The following PPP1R16A variants were observed in gnomAD, a reference collection of about 807,000 sequenced individuals.
PPP1R16A encodes myosin phosphatase-targeting subunit 3.
A neutral mutation model predicts 46.6 loss-of-function variants in PPP1R16A; 39 were observed. That is an observed-to-expected ratio of 0.84 (90% confidence interval 0.65 to 1.09). PPP1R16A has a LOEUF of 1.09. Among genes scored for constraint, PPP1R16A ranks in the 50% least tolerant of loss-of-function variants. The pLI is 0.00. For missense variants in PPP1R16A, 798 were observed against 735.6 expected (o/e 1.08, Z -0.98); for synonymous variants, 413 against 321.5 (o/e 1.28, Z -3.04).
Position 144,496,860 on chromosome 8 carries a change from C to G in PPP1R16A, c.-335C>G. On this transcript the variant is annotated 5_prime_UTR_variant, in exon 3 of 12. Coordinates refer to ENST00000435887, the MANE Select transcript of PPP1R16A (RefSeq NM_001329443.2). ...ATTAGTTTCAGACCCTGCACTGAGG[C>G]CGGCCAGGTCTCGGGGCTGCCTCCC... is the stretch of plus-strand genomic sequence containing the variant. 1 of 449,486 alleles carries G rather than the reference C, an allele frequency of 2.2e-6. No homozygotes were observed. The highest frequency in any genetic ancestry group is 4.1e-6 in the Non-Finnish European group (1 of 242,260). 27.8% of individuals were successfully genotyped at this position (449,486 alleles called of 1,614,324 possible).
chr8:144,495,644 G>A (rs943663921), intron 2 of PPP1R16A: 3 of 152,244 alleles, frequency 2.0e-5, no homozygotes, highest in Non-Finnish European at 4.4e-5. Flanking sequence ...CACCCTGTTA[G>A]CTAGGATGGT....
chr8:144,492,550 T>C (rs1489313639), intron 2 of PPP1R16A, among the ~76,000 whole-genome samples: 1 of 152,104 alleles, frequency 6.6e-6, no homozygotes, highest in East Asian at 1.9e-4. Flanking sequence ...TTAGCAAGGA[T>C]GGTCTCGATC....
At position 144,478,063 on chromosome 8, in the gene PPP1R16A, G is replaced by T. The variant is rs868525874; in HGVS notation, c.-978G>T. ...CCGCCCCCGCAGCGCCTCAGGGAGCGCGGGGCCCACTGACCCGCGGAAGCC... is the reference window on the plus strand; with the variant it reads ...CCGCCCCCGCAGCGCCTCAGGGAGCTCGGGGCCCACTGACCCGCGGAAGCC... On this transcript the variant is annotated 5_prime_UTR_variant, in exon 1 of 12. Coordinates refer to ENST00000435887, the MANE Select transcript of PPP1R16A (RefSeq NM_001329443.2). 2.5e-6 allele frequency: 1 copy of T among 395,606 alleles called. No individual in the cohort carries two copies. The allele number at this position is 395,606 out of a possible 1,614,324, so 24.5% of individuals were successfully genotyped here.
rs1825247727 is a variant in PPP1R16A at position 144,478,069 on chromosome 8, C to T, written c.-972C>T. On this transcript the variant is annotated 5_prime_UTR_variant, in exon 1 of 12. Coordinates refer to ENST00000435887, the MANE Select transcript of PPP1R16A (RefSeq NM_001329443.2). ...CCGCAGCGCCTCAGGGAGCGCGGGGCCCACTGACCCGCGGAAGCCAGCGGA... is the reference window on the plus strand; with the variant it reads ...CCGCAGCGCCTCAGGGAGCGCGGGGTCCACTGACCCGCGGAAGCCAGCGGA... 4 of 395,486 alleles carry T rather than the reference C, an allele frequency of 1.0e-5. No homozygotes were observed. The highest frequency in any genetic ancestry group is 8.9e-6 in the Non-Finnish European group (2 of 224,076). The allele number at this position is 395,486 out of a possible 1,614,324, so 24.5% of individuals were successfully genotyped here.
intron 3 of PPP1R16A, 103 bp from the exon 4 acceptor site, chr8:144,498,667 C>A: frequency 1.7e-6 from 2 of 1,183,132 alleles, no homozygotes; most frequent in Non-Finnish European, 2.4e-6. Flanking sequence ...CTGCCATCGG[C>A]ACCACTGTCT....
Position 144,501,519 on chromosome 8 carries a change from G to A in PPP1R16A, c.1204-1G>A. 5.2e-6 allele frequency: 8 copies of A among 1,546,530 alleles called. No homozygotes were observed. Among genetic ancestry groups the A allele is most frequent in the Non-Finnish European group, 7.0e-6 (8 of 1,145,250 alleles). On this transcript the variant is annotated splice_acceptor_variant, in intron 11 of 11. Coordinates refer to ENST00000435887, the MANE Select transcript of PPP1R16A (RefSeq NM_001329443.2). LOFTEE classifies it high-confidence loss of function. Reference sequence around the variant, plus strand: ...GGCTCTGGGACCTTCACTGCCCGCAGGAGGACAACCCCGAAGTGGTCAGGC... The same window carrying A: ...GGCTCTGGGACCTTCACTGCCCGCAAGAGGACAACCCCGAAGTGGTCAGGC...
Position 144,500,716 on chromosome 8 carries a change from G to T in PPP1R16A, c.862G>T (p.Gly288Trp). Residue 288 changes from glycine to tryptophan, a missense_variant, in exon 9 of 12, where the codon GGG becomes TGG. Physicochemically the swap from Gly to Trp is radical, Grantham distance 184 (BLOSUM62 -2). Transcript: ENST00000435887. ...CCTGGTGGAGCTGCTCGTGGCGCAC[G>T]GGGCCGACCTGAACGCAAAGTCCCT... ...VPLVELLVAH[G>W]ADLNAKSLMD... The T allele has an allele frequency of 6.2e-7, 1 of 1,611,630 alleles. No homozygotes were observed. Among genetic ancestry groups the T allele is most frequent in the East Asian group, 2.2e-5 (1 of 44,864 alleles).
At chr8:144,487,431 T>C (rs1462196885) in intron 1 of PPP1R16A, among the ~76,000 whole-genome samples, 1 of 151,176 alleles carries the variant, frequency 6.6e-6, no homozygotes, top group Non-Finnish European at 1.5e-5. Context: ...GAGTGCAGTG[T>C]TGATTTCGGC....
chr8:144,498,227 C>G (rs912792465), intron 3 of PPP1R16A: 1 of 379,474 alleles, frequency 2.6e-6, no homozygotes, highest in Non-Finnish European at 5.4e-6. Context: ...GGTGGGAGCC[C>G]TCCTGCTGCA....
chr8:144,492,964 G>T (rs575535157), intron 2 of PPP1R16A, among the ~76,000 whole-genome samples: 2 of 152,292 alleles, frequency 1.3e-5, no homozygotes, highest in South Asian at 4.1e-4. Context: ...GACCGGGGCA[G>T]CTCTGGGTTT....
At chr8:144,492,324 A>G (rs1825843253) in intron 2 of PPP1R16A, among the ~76,000 whole-genome samples, 1 of 149,356 alleles carries the variant, frequency 6.7e-6, no homozygotes, top group African/African-American at 2.5e-5. Flanking sequence ...TGGGGCTGTC[A>G]AAAGGTGTAC....
In PPP1R16A at chr8:144,501,523, G is replaced by A; in HGVS notation, c.1207G>A (p.Asp403Asn). Residue 403 changes from aspartate to asparagine, a missense_variant, in exon 12 of 12, where the codon GAC (aspartate) becomes AAC (asparagine). Asp to Asn is a conservative substitution (Grantham distance 23). Transcript: ENST00000435887. ...CTGGGACCTTCACTGCCCGCAGGAG[G>A]ACAACCCCGAAGTGGTCAGGCCGCA... ...AELRPPPPEE[D>N]NPEVVRPHNG... 1 of 1,550,942 alleles carries A rather than the reference G, an allele frequency of 6.4e-7. No homozygotes were observed. The highest frequency in any genetic ancestry group is 2.4e-5 in the East Asian group (1 of 42,334).
rs553522650 is a variant in PPP1R16A at position 144,500,288 on chromosome 8, A to G, written c.602A>G (p.Glu201Gly). ...GCAGGCATCACCCAGGACAGCATCGAGGCCGCCCGGGCCGTGCCAGAACTG... is the reference window on the plus strand; with the variant it reads ...GCAGGCATCACCCAGGACAGCATCGGGGCCGCCCGGGCCGTGCCAGAACTG... ...ADRGITQDSI[E>G]AARAVPELRM... Residue 201 changes from glutamate to glycine, a missense_variant, in exon 7 of 12, where the codon GAG becomes GGG. By Grantham distance (98) the Glu-to-Gly change is moderately conservative. Coordinates refer to ENST00000435887, the MANE Select transcript of PPP1R16A (RefSeq NM_001329443.2). The G allele has an allele frequency of 3.2e-5, 50 of 1,549,034 alleles. 1 individual carries two copies. In the East Asian group the frequency reaches 1.2e-3, roughly 38 times the overall value.
At chr8:144,485,820 C>T (rs1289367335) in intron 1 of PPP1R16A, among the ~76,000 whole-genome samples, 1 of 152,174 alleles carries the variant, frequency 6.6e-6, no homozygotes, top group Non-Finnish European at 1.5e-5. Flanking sequence ...CTTGAGCTGC[C>T]CTCTTGCAGC....
At position 144,491,701 on chromosome 8, in the gene PPP1R16A, C is replaced by T. The variant is rs550685957; in HGVS notation, c.-735+1489C>T. ...TGGCATGAACCTGGGAGGCGGAGCT[C>T]GCAGTGAGCGGAGATTGCAGCACTG... is the stretch of plus-strand genomic sequence containing the variant. On this transcript the variant is annotated intron_variant, in intron 2 of 11. Transcript: ENST00000435887. Among the ~76,000 whole-genome samples, 246 of 150,438 alleles carry T rather than the reference C, an allele frequency of 1.6e-3. 2 individuals carry two copies. The highest frequency in any genetic ancestry group is 2.7e-3 in the Non-Finnish European group (181 of 67,736).
At chr8:144,491,656 G>A (rs1474978956) in intron 2 of PPP1R16A, among the ~76,000 whole-genome samples, 3 of 152,054 alleles carry the variant, frequency 2.0e-5, no homozygotes, top group Admixed American at 6.5e-5. Flanking sequence ...CCAGCTACTC[G>A]GGAGGCTGAG....
chr8:144,496,540 C>T lies in PPP1R16A; in HGVS notation c.-655C>T, dbSNP rs555250266. The T allele has an allele frequency of 5.2e-5, 8 of 154,632 alleles. No homozygotes were observed. In the South Asian group the frequency reaches 1.6e-3, roughly 32 times the overall value. 9.6% of individuals were successfully genotyped at this position (154,632 alleles called of 1,614,324 possible). A position where few individuals can be genotyped will look rare whatever the true frequency, so the allele number is the denominator to read the frequency against. ...CCTGTGCCCTTGGTGCCCTGGCTGC[C>T]TAGAGAGCCTCACCCCTGGGCCCTG... On this transcript the variant is annotated 5_prime_UTR_variant, in exon 3 of 12. Coordinates refer to ENST00000435887, the MANE Select transcript of PPP1R16A (RefSeq NM_001329443.2).
intron 3 of PPP1R16A, chr8:144,497,948 G>C (rs34703595): frequency 4.6e-6 from 2 of 435,992 alleles, no homozygotes; most frequent in Non-Finnish European, 9.4e-6. Flanking sequence ...GCCTGCCCTA[G>C]GCTCTGCTTG....
rs143363043 is a variant in PPP1R16A, at chr8:144,498,819, C to T, written c.309C>T (p.Asp103=). 243 of 1,606,064 alleles carry T rather than the reference C, an allele frequency of 1.5e-4. No homozygotes were observed. The highest frequency in any genetic ancestry group is 1.9e-4 in the Non-Finnish European group (227 of 1,174,458). ...TCAGCCCTGACTTGGCCAACGAGGACGGCCTGACGGCCCTGCACCAGGTCA... is the reference window on the plus strand; with the variant it reads ...TCAGCCCTGACTTGGCCAACGAGGATGGCCTGACGGCCCTGCACCAGGTCA... ...SGVSPDLANE[D]GLTALHQCCI... Residue 103 remains aspartate, a synonymous_variant, in exon 4 of 12, where the codon GAC becomes GAT. Transcript: ENST00000435887.
Sources: allele counts gnomAD v4.1 joint callset (sites outside exome capture counted in the v4.1 genomes callset), GRCh38; gene constraint gnomAD v4.1.1; transcripts MANE v1.5; gene names NCBI Gene and HGNC (gene_info 2026-07-23, HGNC 2026-07-21).